Variants in FTO observed in about 807,000 individuals in gnomAD.
FTO encodes the protein alpha-ketoglutarate-dependent dioxygenase FTO.
In FTO, 47 loss-of-function variants were observed where a neutral mutation model predicts 63.9. The ratio of observed to expected loss-of-function variants is 0.74; its 90% confidence interval spans 0.58 to 0.94. The LOEUF (loss-of-function observed/expected upper bound fraction) is 0.94. Among genes scored for constraint, FTO ranks in the 40% least tolerant of loss-of-function variants. The probability of loss-of-function intolerance (pLI) is 0.00; values close to 1 mark genes in which losing one functional copy is unlikely to be tolerated. For synonymous variants in FTO, 207 were observed against 224.4 expected (o/e 0.92, Z 0.69); for missense variants, 562 against 618.1 (o/e 0.91, Z 0.96).
At chr16:54,057,174 A>T (rs2085455793) in intron 8 of FTO, among the ~76,000 whole-genome samples, 1 of 152,238 alleles carries the variant, frequency 6.6e-6, no homozygotes, top group African/African-American at 2.4e-5. Context: ...CCAGACACAC[A>T]TACAAATACA....
chr16:53,793,509 A>G (rs962132160), intron 1 of FTO, among the ~76,000 whole-genome samples: 4 of 152,248 alleles, frequency 2.6e-5, no homozygotes, highest in Non-Finnish European at 4.4e-5. Context: ...AAGGAATGCT[A>G]TAGCTAACTT....
intron 5 of FTO, among the ~76,000 whole-genome samples, chr16:53,875,685 A>C (rs1262444111): frequency 2.6e-5 from 4 of 152,226 alleles, no homozygotes; most frequent in Non-Finnish European, 1.5e-5. Context: ...ACTACTATTC[A>C]GAAGGGATTT....
intron 3 of FTO, among the ~76,000 whole-genome samples, chr16:53,836,680 C>T (rs2079302132): frequency 6.6e-6 from 1 of 152,232 alleles, no homozygotes; most frequent in Admixed American, 6.5e-5. Flanking sequence ...AATTCTCTCA[C>T]TTCATCCTAA....
At chr16:53,713,526 G>A (rs1321666297) in intron 1 of FTO, among the ~76,000 whole-genome samples, 4 of 152,070 alleles carry the variant, frequency 2.6e-5, no homozygotes, top group African/African-American at 9.7e-5. Flanking sequence ...TGTCTCACTG[G>A]TTGATTTCAC....
intron 1 of FTO, among the ~76,000 whole-genome samples, chr16:53,749,894 G>A (rs1015635691): frequency 1.3e-5 from 2 of 152,142 alleles, no homozygotes; most frequent in African/African-American, 2.4e-5. Context: ...TGCATCTAAT[G>A]AGATGACCAT....
chr16:53,927,915 C>A (rs2082186044), intron 7 of FTO, among the ~76,000 whole-genome samples: 1 of 152,174 alleles, frequency 6.6e-6, no homozygotes. Flanking sequence ...AGTTTTTCCA[C>A]TTAAAGTAAT....
rs78699625 is a variant in FTO, at chr16:53,834,974, T to C, written c.751+8483T>C. On this transcript the variant is annotated intron_variant, in intron 3 of 8. Coordinates refer to ENST00000471389, the MANE Select transcript of FTO (RefSeq NM_001080432.3). Reference sequence around the variant, plus strand: ...CTATTCAGCCTTTATAGTTATCATATATATACATGAGAATGCCTTCCAAAA... The same window carrying C: ...CTATTCAGCCTTTATAGTTATCATACATATACATGAGAATGCCTTCCAAAA... Among the ~76,000 whole-genome samples, 606 of 152,362 alleles carry C rather than the reference T, an allele frequency of 4.0e-3. 4 individuals carry two copies. The highest frequency in any genetic ancestry group is 6.8e-3 in the Non-Finnish European group (464 of 68,036).
At chr16:53,995,481 ATGGC>A (rs1313370289) in intron 8 of FTO, among the ~76,000 whole-genome samples, 4 of 152,238 alleles carry the variant, frequency 2.6e-5, no homozygotes, top group African/African-American at 9.6e-5. Context: ...CCAGAAACCC[ATGGC>A]TGGCTAGTGA....
rs1023727255 is a variant in FTO at position 54,121,109 on chromosome 16, G to C, written c.*9194G>C. ...ATCGGTTTATGTATTATCTATGGCT[G>C]TTTCCAACTACAGTGGCAGAGCTGA... On this transcript the variant is annotated 3_prime_UTR_variant, in exon 9 of 9. Transcript: ENST00000471389. The C allele has an allele frequency of 2.0e-5, 3 of 152,302 alleles. No individual in the cohort carries two copies. The highest frequency in any genetic ancestry group is 4.4e-5 in the Non-Finnish European group (3 of 68,048). The allele number at this position is 152,302 out of a possible 1,614,324, so 9.4% of individuals were successfully genotyped here.
intron 8 of FTO, among the ~76,000 whole-genome samples, chr16:53,970,587 T>A: frequency 7.9e-6 from 1 of 125,970 alleles, no homozygotes; most frequent in East Asian, 2.2e-4. Context: ...CGAGACTCCA[T>A]CTCAAAAAAA....
chr16:54,083,397 C>T (rs1221705029), intron 8 of FTO, among the ~76,000 whole-genome samples: 2 of 152,104 alleles, frequency 1.3e-5, no homozygotes, highest in Non-Finnish European at 2.9e-5. Context: ...ATTATGTTGT[C>T]TTTAAAGCCG....
intron 7 of FTO, among the ~76,000 whole-genome samples, chr16:53,917,538 A>G (rs1450796277): frequency 6.6e-6 from 1 of 152,040 alleles, no homozygotes; most frequent in Non-Finnish European, 1.5e-5. Flanking sequence ...AGTAATAGTT[A>G]TTGTTATGTT....
At chr16:53,939,085 C>G (rs982504667) in intron 8 of FTO, among the ~76,000 whole-genome samples, 1 of 152,120 alleles carries the variant, frequency 6.6e-6, no homozygotes, top group Non-Finnish European at 1.5e-5. Flanking sequence ...GAGCGAGACT[C>G]TGTCTCAAAA....
At chr16:53,880,101 C>A in intron 6 of FTO, 114 bp downstream of exon 6, 1 of 761,746 alleles carries the variant, frequency 1.3e-6, no homozygotes. Context: ...TTCAAGTGAT[C>A]CTCCTGTCTC....
At chr16:53,804,630 A>C (rs1158864539) in intron 1 of FTO, among the ~76,000 whole-genome samples, 2 of 102,322 alleles carry the variant, frequency 2.0e-5, no homozygotes, top group African/African-American at 7.7e-5. Flanking sequence ...CTTCTTATTG[A>C]TCTTTTTTTT....
At chr16:53,858,660 CT>C (rs996931664) in intron 4 of FTO, among the ~76,000 whole-genome samples, 4 of 150,936 alleles carry the variant, frequency 2.7e-5, no homozygotes, top group African/African-American at 9.7e-5. Context: ...GCTTTCTTTT[CT>C]TTTTTTTTCC....
intron 8 of FTO, among the ~76,000 whole-genome samples, chr16:54,024,355 C>T (rs1270402623): frequency 2.0e-5 from 3 of 152,060 alleles, no homozygotes; most frequent in Non-Finnish European, 4.4e-5. Context: ...TCCCAAGTAG[C>T]TGGGATTACA....
In FTO at chr16:54,060,270, TG is replaced by T. The variant is rs772337263; in HGVS notation, c.1365-51489del. On this transcript the variant is annotated intron_variant, in intron 8 of 8. Transcript: ENST00000471389. The stretch of plus-strand genomic sequence containing the variant: ...ACTCTCCTCTTTTCAAATCGTACTC[TG>T]GGTTCAACCGAAAGACTCAGTGAAT... Among the ~76,000 whole-genome samples, 31 of 152,334 alleles carry T rather than the reference TG, an allele frequency of 2.0e-4. 1 individual carries two copies. Among genetic ancestry groups the T allele is most frequent in the South Asian group, 1.2e-3 (6 of 4,828 alleles).
intron 1 of FTO, among the ~76,000 whole-genome samples, chr16:53,776,386 A>G (rs1218638531): frequency 6.6e-6 from 1 of 152,216 alleles, no homozygotes; most frequent in East Asian, 1.9e-4. Flanking sequence ...AATAAAGCCC[A>G]AAGAAATTCA....
Sources: allele counts gnomAD v4.1 joint callset (sites outside exome capture counted in the v4.1 genomes callset), GRCh38; gene constraint gnomAD v4.1.1; transcripts MANE v1.5; gene names NCBI Gene and HGNC (gene_info 2026-07-23, HGNC 2026-07-21).